Variants in BCAS3 observed in about 807,000 individuals in gnomAD.
The protein encoded by BCAS3 is BCAS4/BCAS3 fusion.
A neutral mutation model predicts 116.1 loss-of-function variants in BCAS3; 53 were observed. That is an observed-to-expected ratio of 0.46 (90% confidence interval 0.37 to 0.57). The LOEUF is 0.57. Among genes scored for constraint, BCAS3 ranks in the 20% least tolerant of loss-of-function variants. BCAS3 has a pLI of 0.00. For synonymous variants in BCAS3, 391 were observed against 408.2 expected (o/e 0.96, Z 0.51); for missense variants, 917 against 1,165.4 (o/e 0.79, Z 3.10).
intron 22 of BCAS3, among the ~76,000 whole-genome samples, chr17:61,169,359 A>G (rs1220745692): frequency 6.6e-6 from 1 of 152,236 alleles, no homozygotes; most frequent in Non-Finnish European, 1.5e-5. Context: ...ACATAGAAGT[A>G]GAATAACTTG....
Position 61,084,373 on chromosome 17 carries a change from G to A in BCAS3, c.2328-94G>A. 3.2e-6 allele frequency: 3 copies of A among 935,924 alleles called. No homozygotes were observed. In the South Asian group the frequency reaches 4.7e-5, roughly 15 times the overall value. The allele number at this position is 935,924 out of a possible 1,614,324, so 58.0% of individuals were successfully genotyped here. A position where few individuals can be genotyped will look rare whatever the true frequency, so the allele number is the denominator to read the frequency against. On this transcript the variant is annotated intron_variant, in intron 21 of 23. Transcript: ENST00000407086. This position sits in a 1 kb window ranked among gnomAD's most constrained non-coding sequence, Gnocchi z 5.5. ...AGAATGGATGGTTCTTTAATGGATTGTGCTACTCCAGCATTCCTGATTTAA... is the reference window on the plus strand; with the variant it reads ...AGAATGGATGGTTCTTTAATGGATTATGCTACTCCAGCATTCCTGATTTAA...
At chr17:60,874,514 G>T in intron 8 of BCAS3, 148 bp from the exon 9 acceptor site, 1 of 536,294 alleles carries the variant, frequency 1.9e-6, no homozygotes, top group Non-Finnish European at 3.2e-6. Flanking sequence ...GAAGTTTCTA[G>T]CCTAAATATT....
chr17:61,264,659 C>T (rs941371215), intron 22 of BCAS3, among the ~76,000 whole-genome samples: 3 of 152,174 alleles, frequency 2.0e-5, no homozygotes, highest in Non-Finnish European at 4.4e-5. Flanking sequence ...CCACCCACCT[C>T]GGCCTCCCGA....
chr17:61,388,807 C>CCA lies in BCAS3; in HGVS notation c.2594-3162_2594-3161dup. ...GAGCAGCCCTCCTCCCCTCCACTTC[C>CCA]CACACACACCCCTGCCTGCAGGGGG... On this transcript the variant is annotated intron_variant, in intron 23 of 23. Coordinates refer to ENST00000407086, the MANE Select transcript of BCAS3 (RefSeq NM_017679.5). This position sits in a 1 kb window ranked among gnomAD's most constrained non-coding sequence, Gnocchi z 6.5. The CCA allele has an allele frequency of 8.9e-7, 1 of 1,122,174 alleles. No individual in the cohort carries two copies. The highest frequency in any genetic ancestry group is 1.3e-6 in the Non-Finnish European group (1 of 789,048). 69.5% of individuals were successfully genotyped at this position (1,122,174 alleles called of 1,614,324 possible).
At chr17:61,070,103 A>G (rs1432707797) in intron 19 of BCAS3, 14 of 1,573,434 alleles carry the variant, frequency 8.9e-6, no homozygotes, top group South Asian at 2.2e-5. Flanking sequence ...GCTATCATCA[A>G]GTTTCCGCTG....
At chr17:61,078,692 A>C (rs1376892536) in intron 21 of BCAS3, among the ~76,000 whole-genome samples, 163 bp downstream of exon 21, 1 of 152,238 alleles carries the variant, frequency 6.6e-6, no homozygotes, top group Non-Finnish European at 1.5e-5. Context: ...GAGATGGTAT[A>C]TAGGGTCTCG....
intron 19 of BCAS3, among the ~76,000 whole-genome samples, chr17:61,042,384 T>G (rs970404054): frequency 6.6e-6 from 1 of 151,988 alleles, no homozygotes; most frequent in Admixed American, 6.5e-5. Flanking sequence ...AAGATATAGC[T>G]ATATCTATCT....
chr17:60,949,115 T>A (rs1379814947), intron 14 of BCAS3, among the ~76,000 whole-genome samples: 1 of 152,114 alleles, frequency 6.6e-6, no homozygotes, highest in Non-Finnish European at 1.5e-5. Flanking sequence ...GACCTCATGA[T>A]CCACCTGCCT....
rs1014548549 is a variant in BCAS3 at position 61,387,213 on chromosome 17, G to A, written c.2594-4764G>A. ...CGTCAACTCACAGCCTGGCAAAGGG[G>A]CCACAACACTGCACTGTGGGTGGAG... On this transcript the variant is annotated intron_variant, in intron 23 of 23. Coordinates refer to ENST00000407086, the MANE Select transcript of BCAS3 (RefSeq NM_017679.5). This position sits in a 1 kb window ranked among gnomAD's most constrained non-coding sequence, Gnocchi z 6.2. 6.6e-6 allele frequency among the ~76,000 whole-genome samples: 1 copy of A among 152,206 alleles called. No homozygotes were observed. The highest frequency in any genetic ancestry group is 2.4e-5 in the African/African-American group (1 of 41,450).
intron 6 of BCAS3, among the ~76,000 whole-genome samples, chr17:60,794,465 A>G (rs1393727561): frequency 1.3e-5 from 2 of 152,262 alleles, no homozygotes; most frequent in Admixed American, 6.5e-5. Context: ...GTTCTTGGTC[A>G]TGATATCTTG....
rs868221625 is a variant in BCAS3, at chr17:61,235,748, A to G, written c.2426-132579A>G. On this transcript the variant is annotated intron_variant, in intron 22 of 23. Coordinates refer to ENST00000407086, the MANE Select transcript of BCAS3 (RefSeq NM_017679.5). The surrounding 1 kb of genome is among the most constrained non-coding windows in gnomAD (Gnocchi z 5.0). ...AGGAGAAAGAAAGACAAGGGAAAAA[A>G]ATGGTTAGGGAGGCTGCAAAAGAGA... Among the ~76,000 whole-genome samples, 2 of 152,160 alleles carry G rather than the reference A, an allele frequency of 1.3e-5. No individual in the cohort carries two copies. Among genetic ancestry groups the G allele is most frequent in the Admixed American group, 6.5e-5 (1 of 15,284 alleles).
At chr17:60,808,143 T>G in intron 7 of BCAS3, 67 bp downstream of exon 7, 2 of 1,109,420 alleles carry the variant, frequency 1.8e-6, no homozygotes, top group South Asian at 1.4e-5. Flanking sequence ...AGGGAGAACT[T>G]TGATGTTATA....
rs2079953654 is a variant in BCAS3, at chr17:61,189,142, C to T, written c.2425+104578C>T. Reference sequence around the variant, plus strand: ...CAAAAAAAGAGAGAGAGAGAGAGAACAGCACACTTCAAAGGGTATGGTCTT... The same window carrying T: ...CAAAAAAAGAGAGAGAGAGAGAGAATAGCACACTTCAAAGGGTATGGTCTT... On this transcript the variant is annotated intron_variant, in intron 22 of 23. Transcript: ENST00000407086. The surrounding 1 kb of genome is among the most constrained non-coding windows in gnomAD (Gnocchi z 4.5). Among the ~76,000 whole-genome samples the T allele has an allele frequency of 6.6e-6, 1 of 152,034 alleles. No homozygotes were observed. The highest frequency in any genetic ancestry group is 2.1e-4 in the South Asian group (1 of 4,816).
At chr17:60,899,225 G>A (rs1480802200) in intron 10 of BCAS3, among the ~76,000 whole-genome samples, 1 of 152,006 alleles carries the variant, frequency 6.6e-6, no homozygotes, top group African/African-American at 2.4e-5. Context: ...GGGAAAATGT[G>A]TCTCTTTCAC....
chr17:61,385,428 A>G (rs926078032), intron 23 of BCAS3, among the ~76,000 whole-genome samples: 2 of 152,210 alleles, frequency 1.3e-5, no homozygotes, highest in African/African-American at 4.8e-5. Context: ...GGCAGACCCC[A>G]TATGGTTCAT....
chr17:61,109,357 G>T (rs2074906340), intron 22 of BCAS3, among the ~76,000 whole-genome samples: 1 of 151,750 alleles, frequency 6.6e-6, no homozygotes, highest in South Asian at 2.1e-4. Context: ...TGATTAATGG[G>T]AATTTGGTTT....
rs578200021 is a variant in BCAS3 at position 61,136,255 on chromosome 17, C to A, written c.2425+51691C>A. The stretch of plus-strand genomic sequence containing the variant: ...TTCCAATATTTTTACTTAAGCATCC[C>A]CTCTTCTTCTCTGCACCTGGAGCAT... On this transcript the variant is annotated intron_variant, in intron 22 of 23. Transcript: ENST00000407086. This position sits in a 1 kb window ranked among gnomAD's most constrained non-coding sequence, Gnocchi z 4.4. Among the ~76,000 whole-genome samples the A allele has an allele frequency of 3.1e-3, 466 of 152,260 alleles. 3 individuals carry two copies. The highest frequency in any genetic ancestry group is 0.011 in the African/African-American group (451 of 41,530).
chr17:61,049,531 T>G (rs1005063631), intron 19 of BCAS3, among the ~76,000 whole-genome samples: 1 of 151,474 alleles, frequency 6.6e-6, no homozygotes, highest in Non-Finnish European at 1.5e-5. Flanking sequence ...ATATAAACTA[T>G]AAAACTGCAG....
rs2065199355 is a variant in BCAS3 at position 61,012,821 on chromosome 17, C to T, written c.1487-2930C>T. 6.6e-6 allele frequency among the ~76,000 whole-genome samples: 1 copy of T among 152,046 alleles called. No individual in the cohort carries two copies. The highest frequency in any genetic ancestry group is 1.5e-5 in the Non-Finnish European group (1 of 67,960). On this transcript the variant is annotated intron_variant, in intron 15 of 23. Transcript: ENST00000407086. This position sits in a 1 kb window ranked among gnomAD's most constrained non-coding sequence, Gnocchi z 4.5. Reference sequence around the variant, plus strand: ...GCTAAACCACAGATTTGGAACTTCTCAGTGAATCACTTCATTTTCCTAGAC... The same window carrying T: ...GCTAAACCACAGATTTGGAACTTCTTAGTGAATCACTTCATTTTCCTAGAC...
Sources: gnomAD v4.1 joint callset for allele counts (sites outside exome capture counted in the v4.1 genomes callset) on GRCh38, gnomAD v4.1.1 for gene constraint, Gnocchi (gnomAD v3.1) non-coding constraint, MANE v1.5 for transcripts, NCBI Gene and HGNC (gene_info 2026-07-23, HGNC 2026-07-21) for gene names.